Variants in UNC5D observed in about 807,000 individuals in gnomAD.
UNC5D encodes the protein netrin receptor UNC5D.
A neutral mutation model predicts 105.4 loss-of-function variants in UNC5D; 39 were observed. The observed-to-expected ratio is 0.37, with a 90% CI of 0.29 to 0.48. The LOEUF (loss-of-function observed/expected upper bound fraction) is 0.48. Among genes scored for constraint, UNC5D ranks in the 20% least tolerant of loss-of-function variants. The probability of loss-of-function intolerance (pLI) is 0.98; values close to 1 mark genes in which losing one functional copy is unlikely to be tolerated. For synonymous variants in UNC5D, 452 were observed against 450.4 expected, an observed-to-expected ratio of 1.00 and a Z score of -0.04; for missense variants, 991 against 1,202.4, an observed-to-expected ratio of 0.82 and a Z score of 2.60.
chr8:35,581,979 A>G (rs958658020), intron 3 of UNC5D, among the ~76,000 whole-genome samples: 4 of 152,146 alleles, frequency 2.6e-5, no homozygotes, highest in African/African-American at 9.7e-5. Flanking sequence ...TGATACAAAC[A>G]TTATTTATCT....
intron 1 of UNC5D, among the ~76,000 whole-genome samples, chr8:35,384,883 G>A (rs1339034315): frequency 1.3e-5 from 2 of 152,218 alleles, no homozygotes; most frequent in African/African-American, 4.8e-5. Flanking sequence ...CACCCCAGAA[G>A]TTGTGGGACT....
At chr8:35,429,089 A>T (rs1032039521) in intron 1 of UNC5D, among the ~76,000 whole-genome samples, 3 of 152,160 alleles carry the variant, frequency 2.0e-5, no homozygotes, top group African/African-American at 4.8e-5. Flanking sequence ...TTGCTATTTT[A>T]TGCTTCATTT....
chr8:35,538,395 T>TTATATATATATATATA (rs10524805), intron 1 of UNC5D, among the ~76,000 whole-genome samples: 2 of 82,446 alleles, frequency 2.4e-5, no homozygotes, highest in Admixed American at 1.5e-4. Flanking sequence ...AAAAAAATAA[T>TTATATATATATATATA]TATATATATA....
intron 11 of UNC5D, among the ~76,000 whole-genome samples, chr8:35,734,335 CAAAAAAAAAAAAAA>C (rs10657691): frequency 1.1e-4 from 3 of 28,290 alleles, no homozygotes; most frequent in Non-Finnish European, 1.6e-4. Flanking sequence ...TAATCACTGT[CAAAAAAAAAAAAAA>C]AAAAAAAAAA....
rs137892031 is a variant in UNC5D at position 35,437,604 on chromosome 8, C to T, written c.104-111688C>T. ...ATATTTTATTGGCTTCCTATAAAAT[C>T]GTTCTTTCTCCTCCATCCTCCAACA... On this transcript the variant is annotated intron_variant, in intron 1 of 16. Coordinates refer to ENST00000404895, the MANE Select transcript of UNC5D (RefSeq NM_080872.4). Among the ~76,000 whole-genome samples the T allele has an allele frequency of 4.6e-5, 7 of 152,166 alleles. No individual in the cohort carries two copies. The East Asian group carries it at 1.2e-3, about 25-fold the overall frequency.
chr8:35,305,641 CTT>C (rs1426421105), intron 1 of UNC5D, among the ~76,000 whole-genome samples: 1 of 83,106 alleles, frequency 1.2e-5, no homozygotes, highest in African/African-American at 5.8e-5. Context: ...CTCTCTCTCT[CTT>C]CTTTCTTTCT....
At chr8:35,330,045 T>C (rs1810493683) in intron 1 of UNC5D, among the ~76,000 whole-genome samples, 1 of 152,176 alleles carries the variant, frequency 6.6e-6, no homozygotes, top group Non-Finnish European at 1.5e-5. Context: ...AGGAGAAAAC[T>C]AAATAATAAT....
At chr8:35,300,833 A>T (rs1807899101) in intron 1 of UNC5D, among the ~76,000 whole-genome samples, 2 of 152,284 alleles carry the variant, frequency 1.3e-5, no homozygotes, top group South Asian at 4.1e-4. Context: ...GTATTGAAAA[A>T]ATCAAGTTAC....
At chr8:35,486,270 T>C (rs570516764) in intron 1 of UNC5D, among the ~76,000 whole-genome samples, 1 of 152,334 alleles carries the variant, frequency 6.6e-6, no homozygotes, top group African/African-American at 2.4e-5. Flanking sequence ...TATGGCTAAA[T>C]TCCCTTTGCA....
chr8:35,449,022 A>G (rs1446481628), intron 1 of UNC5D, among the ~76,000 whole-genome samples: 1 of 152,180 alleles, frequency 6.6e-6, no homozygotes, highest in Non-Finnish European at 1.5e-5. Flanking sequence ...GTTTTGGCAG[A>G]GTAGATGTTC....
At chr8:35,476,701 T>C (rs1452474551) in intron 1 of UNC5D, among the ~76,000 whole-genome samples, 1 of 152,170 alleles carries the variant, frequency 6.6e-6, no homozygotes, top group Non-Finnish European at 1.5e-5. Context: ...TAGATTAGTC[T>C]CCAGTGACAT....
At chr8:35,377,229 G>A (rs192298235) in intron 1 of UNC5D, among the ~76,000 whole-genome samples, 60 of 152,310 alleles carry the variant, frequency 3.9e-4, no homozygotes, top group Admixed American at 3.5e-3. Context: ...GAGCTGGGAT[G>A]CAGTGGTCCT....
intron 11 of UNC5D, among the ~76,000 whole-genome samples, chr8:35,735,998 G>A (rs1041253069): frequency 6.6e-6 from 1 of 152,154 alleles, no homozygotes; most frequent in Non-Finnish European, 1.5e-5. Flanking sequence ...GAATCTGTTT[G>A]TAGTGAACTA....
At chr8:35,643,179 G>A (rs952740556) in intron 4 of UNC5D, among the ~76,000 whole-genome samples, 1 of 152,128 alleles carries the variant, frequency 6.6e-6, no homozygotes, top group African/African-American at 2.4e-5. Flanking sequence ...GGGATCCGTG[G>A]CCTCCACCCA....
intron 1 of UNC5D, among the ~76,000 whole-genome samples, chr8:35,439,470 C>A (rs564616700): frequency 8.6e-5 from 13 of 152,010 alleles, no homozygotes; most frequent in Admixed American, 3.3e-4. Context: ...CAAATCAACC[C>A]ATTCTAAGTG....
At chr8:35,620,201 A>C (rs1430470560) in intron 4 of UNC5D, among the ~76,000 whole-genome samples, 1 of 152,168 alleles carries the variant, frequency 6.6e-6, no homozygotes, top group Non-Finnish European at 1.5e-5. Context: ...CTTGATCCAC[A>C]TTCTCCCTGA....
At chr8:35,490,528 A>T (rs1194335359) in intron 1 of UNC5D, among the ~76,000 whole-genome samples, 2 of 146,340 alleles carry the variant, frequency 1.4e-5, no homozygotes, top group Non-Finnish European at 3.0e-5. Context: ...TATCTCTTAT[A>T]AAAAAAAAAA....
chr8:35,439,028 T>C (rs985623500), intron 1 of UNC5D, among the ~76,000 whole-genome samples: 3 of 151,594 alleles, frequency 2.0e-5, no homozygotes, highest in African/African-American at 7.3e-5. Context: ...GGTTCATACA[T>C]TGATTTTTTT....
chr8:35,405,977 G>A (rs1157976237), intron 1 of UNC5D, among the ~76,000 whole-genome samples: 1 of 152,092 alleles, frequency 6.6e-6, no homozygotes, highest in Non-Finnish European at 1.5e-5. Flanking sequence ...GAAGGAAAAT[G>A]CAAAAATTAA....
Sources: allele counts gnomAD v4.1 joint callset (sites outside exome capture counted in the v4.1 genomes callset), GRCh38; gene constraint gnomAD v4.1.1; transcripts MANE v1.5; gene names NCBI Gene and HGNC (gene_info 2026-07-23, HGNC 2026-07-21).